The following SYTL3 variants were observed in gnomAD, a reference collection of about 807,000 sequenced individuals.
SYTL3 encodes synaptotagmin-like protein 3.
In SYTL3, 88 loss-of-function variants were observed where a neutral mutation model predicts 82.1. The observed-to-expected ratio is 1.07, with a 90% CI of 0.90 to 1.28. SYTL3 has a LOEUF of 1.28. SYTL3 is among the 50% of genes most tolerant of loss of function. The probability of loss-of-function intolerance (pLI) is 0.00; values close to 1 mark genes in which losing one functional copy is unlikely to be tolerated. For synonymous variants in SYTL3, 311 were observed against 289.4 expected (o/e 1.07, Z -0.76); for missense variants, 831 against 757.6 (o/e 1.10, Z -1.14).
At chr6:158,693,844 C>CTTTTAATTT in intron 6 of SYTL3, among the ~76,000 whole-genome samples, 1 of 55,618 alleles carries the variant, frequency 1.8e-5, no homozygotes, top group Non-Finnish European at 3.4e-5. Flanking sequence ...TCCAGCCTTT[C>CTTTTAATTT]TTTTTCTTTT....
chr6:158,659,238 G>A (rs1789071077), intron 2 of SYTL3, among the ~76,000 whole-genome samples: 1 of 152,204 alleles, frequency 6.6e-6, no homozygotes, highest in Non-Finnish European at 1.5e-5. Flanking sequence ...TTACAATGTA[G>A]TGTTATATCC....
At chr6:158,704,161 C>A (rs143773308) in intron 6 of SYTL3, among the ~76,000 whole-genome samples, 5 of 150,090 alleles carry the variant, frequency 3.3e-5, no homozygotes, top group Non-Finnish European at 5.9e-5. Flanking sequence ...AAAAAAAAAA[C>A]AAAAGAATAA....
At position 158,708,387 on chromosome 6, in the gene SYTL3, G is replaced by T; in HGVS notation, c.512G>T (p.Gly171Val). Residue 171 changes from glycine (G) to valine (V), a missense_variant, in exon 8 of 18, where the codon GGC (glycine) becomes GTC (valine). Gly to Val is a moderately radical substitution (Grantham distance 109). Coordinates refer to ENST00000611299, the MANE Select transcript of SYTL3 (RefSeq NM_001242394.2). ...VSESQCSRSP[G>V]RLQEFGQFRG... is the part of the protein sequence containing the mutation. Reference sequence around the variant, plus strand: ...GAGAGCCAGTGCAGCCGCAGTCCTGGCAGGGTAACGTATCCATTCTGGGCA... The same window carrying T: ...GAGAGCCAGTGCAGCCGCAGTCCTGTCAGGGTAACGTATCCATTCTGGGCA... 1 of 1,614,006 alleles carries T rather than the reference G, an allele frequency of 6.2e-7. No homozygotes were observed. Among genetic ancestry groups the T allele is most frequent in the Non-Finnish European group, 8.5e-7 (1 of 1,179,880 alleles).
chr6:158,757,852 G>A (rs1789348014), intron 14 of SYTL3, among the ~76,000 whole-genome samples: 1 of 152,338 alleles, frequency 6.6e-6, no homozygotes, highest in East Asian at 1.9e-4. Context: ...ACCCGATGCT[G>A]TGAGGAAGGC....
At chr6:158,669,198 A>G (rs1777086644) in intron 5 of SYTL3, among the ~76,000 whole-genome samples, 1 of 152,056 alleles carries the variant, frequency 6.6e-6, no homozygotes, top group Non-Finnish European at 1.5e-5. Flanking sequence ...ATTAACCTTG[A>G]TGATTTATGT....
chr6:158,708,383 C>G lies in SYTL3; in HGVS notation c.508C>G (p.Pro170Ala). ...CAGCGAGAGCCAGTGCAGCCGCAGT[C>G]CTGGCAGGGTAACGTATCCATTCTG... ...PVSESQCSRS[P>A]GRLQEFGQFR... Residue 170 changes from proline to alanine, a missense_variant, in exon 8 of 18, where the codon CCT (proline) becomes GCT (alanine). Pro to Ala is a conservative substitution (Grantham distance 27). Transcript: ENST00000611299. 6.2e-7 allele frequency: 1 copy of G among 1,614,042 alleles called. No individual in the cohort carries two copies. The highest frequency in any genetic ancestry group is 8.5e-7 in the Non-Finnish European group (1 of 1,179,920).
intron 6 of SYTL3, among the ~76,000 whole-genome samples, chr6:158,694,484 G>A (rs989279920): frequency 6.0e-5 from 9 of 150,828 alleles, no homozygotes; most frequent in South Asian, 2.1e-4. Flanking sequence ...TAGTAGAGAC[G>A]GGGTTTTGCC....
At chr6:158,669,111 A>T (rs1777073698) in intron 5 of SYTL3, among the ~76,000 whole-genome samples, 2 of 152,206 alleles carry the variant, frequency 1.3e-5, no homozygotes, top group African/African-American at 4.8e-5. Context: ...GAAATGGCAG[A>T]TGGTAACAAT....
chr6:158,715,214 G>C (rs1783222533), intron 9 of SYTL3, among the ~76,000 whole-genome samples: 1 of 152,054 alleles, frequency 6.6e-6, no homozygotes, highest in Admixed American at 6.5e-5. Flanking sequence ...CTTTCTAGGT[G>C]CACAGCCCTT....
chr6:158,693,326 T>C (rs1256901269), intron 6 of SYTL3, among the ~76,000 whole-genome samples: 2 of 152,204 alleles, frequency 1.3e-5, no homozygotes, highest in East Asian at 3.8e-4. Context: ...CAAGAAATTC[T>C]CCCACTTCAG....
At chr6:158,660,787 C>G (rs1437172016) in intron 2 of SYTL3, among the ~76,000 whole-genome samples, 1 of 152,164 alleles carries the variant, frequency 6.6e-6, no homozygotes, top group African/African-American at 2.4e-5. Flanking sequence ...CACTCGAGAG[C>G]CAGGTGCAGT....
chr6:158,728,611 G>A (rs548514103), intron 11 of SYTL3, among the ~76,000 whole-genome samples: 2 of 152,304 alleles, frequency 1.3e-5, no homozygotes, highest in South Asian at 4.1e-4. Flanking sequence ...TGTATAGGTA[G>A]GCATTTTAAT....
At chr6:158,672,384 G>C (rs1403110385) in intron 5 of SYTL3, among the ~76,000 whole-genome samples, 1 of 152,114 alleles carries the variant, frequency 6.6e-6, no homozygotes, top group Admixed American at 6.5e-5. Flanking sequence ...TCCTTCATGA[G>C]GAATGATTTC....
At chr6:158,750,530 A>AT (rs1207665395) in intron 12 of SYTL3, among the ~76,000 whole-genome samples, 1 of 152,070 alleles carries the variant, frequency 6.6e-6, no homozygotes, top group Non-Finnish European at 1.5e-5. Flanking sequence ...TTTTGGTTTG[A>AT]TTTTTTGAGA....
intron 14 of SYTL3, among the ~76,000 whole-genome samples, chr6:158,759,993 C>T (rs1789689894): frequency 6.6e-6 from 1 of 152,116 alleles, no homozygotes; most frequent in African/African-American, 2.4e-5. Context: ...AAAGACTGGA[C>T]ACACCCTGCT....
chr6:158,758,878 C>T (rs1205587414), intron 14 of SYTL3, among the ~76,000 whole-genome samples: 4 of 152,204 alleles, frequency 2.6e-5, no homozygotes, highest in Non-Finnish European at 5.9e-5. Context: ...CCATCTCGGC[C>T]TGATCTTTAG....
chr6:158,690,586 T>A (rs1040991180), intron 6 of SYTL3, among the ~76,000 whole-genome samples: 1 of 152,216 alleles, frequency 6.6e-6, no homozygotes. Context: ...GTAATATGTG[T>A]TGTGCTATTT....
chr6:158,710,917 A>T (rs1483860258), intron 8 of SYTL3, among the ~76,000 whole-genome samples: 1 of 152,014 alleles, frequency 6.6e-6, no homozygotes, highest in Non-Finnish European at 1.5e-5. Context: ...AGTAGCTGGG[A>T]TTACAGGCAT....
At chr6:158,683,017 G>C in intron 6 of SYTL3, 28 bp downstream of exon 6, 1 of 1,509,404 alleles carries the variant, frequency 6.6e-7, no homozygotes, top group Non-Finnish European at 9.2e-7. Context: ...TTTTAGTAAA[G>C]TAAAATGATC....
Sources: gnomAD v4.1 joint callset for allele counts (sites outside exome capture counted in the v4.1 genomes callset) on GRCh38, gnomAD v4.1.1 for gene constraint, MANE v1.5 for transcripts, NCBI Gene and HGNC (gene_info 2026-07-23, HGNC 2026-07-21) for gene names.